The following TOX2 variants were observed in gnomAD, a reference collection of about 807,000 sequenced individuals.
TOX2 encodes the protein TOX high mobility group box family member 2, also known as granulosa cell HMG box 1.
Under a neutral mutation model 47.4 loss-of-function variants are expected in TOX2, and 15 were observed. The ratio of observed to expected loss-of-function variants is 0.32; its 90% CI spans 0.21 to 0.49. The LOEUF is 0.49. Among genes scored for constraint, TOX2 ranks in the 20% least tolerant of loss-of-function variants. TOX2 has a pLI of 0.99. For missense variants in TOX2, 622 were observed against 673.1 expected (o/e 0.92, Z 0.84); for synonymous variants, 290 against 296.6 (o/e 0.98, Z 0.23).
At chr20:44,062,520 C>G (rs1412172458) in intron 5 of TOX2, among the ~76,000 whole-genome samples, 4 of 152,022 alleles carry the variant, frequency 2.6e-5, no homozygotes, top group Non-Finnish European at 5.9e-5. Context: ...GGAAACACAT[C>G]CCATGCTCAT....
chr20:43,924,996 A>AT (rs71337839), intron 1 of TOX2, among the ~76,000 whole-genome samples: 192 of 152,154 alleles, frequency 1.3e-3, no homozygotes, highest in Non-Finnish European at 2.4e-3. Context: ...TTCTGGAATC[A>AT]TTTTTTTATT....
intron 2 of TOX2, among the ~76,000 whole-genome samples, chr20:44,002,974 G>A (rs188182587): frequency 1.3e-5 from 2 of 152,228 alleles, no homozygotes; most frequent in African/African-American, 2.4e-5. Context: ...TATCCAAACT[G>A]TATCAGAGGG....
chr20:44,045,070 G>GTACTACAT (rs1422812801), intron 3 of TOX2, among the ~76,000 whole-genome samples: 14 of 152,210 alleles, frequency 9.2e-5, no homozygotes, highest in African/African-American at 1.2e-4. Context: ...CATAGTTCTA[G>GTACTACAT]AGACAGAAAG....
intron 1 of TOX2, among the ~76,000 whole-genome samples, chr20:43,949,452 T>C (rs1160861742): frequency 6.6e-6 from 1 of 152,190 alleles, no homozygotes; most frequent in Non-Finnish European, 1.5e-5. Flanking sequence ...CTGTGGTTGG[T>C]TGTCTTTTGT....
intron 3 of TOX2, among the ~76,000 whole-genome samples, chr20:44,040,564 T>G (rs1386695496): frequency 6.6e-6 from 1 of 152,188 alleles, no homozygotes; most frequent in Admixed American, 6.5e-5. Context: ...GGCCTGAGAC[T>G]TGGCTTTTTC....
At chr20:43,993,407 G>T (rs1047766435) in intron 2 of TOX2, among the ~76,000 whole-genome samples, 3 of 152,166 alleles carry the variant, frequency 2.0e-5, no homozygotes, top group Admixed American at 6.5e-5. Context: ...GTGGTGGGAA[G>T]ATTTGAGATA....
intron 1 of TOX2, among the ~76,000 whole-genome samples, chr20:43,971,932 A>G (rs534467931): frequency 1.2e-4 from 19 of 152,340 alleles, no homozygotes; most frequent in Non-Finnish European, 2.6e-4. Flanking sequence ...TTGCCTCTGG[A>G]GAGGGGCAGT....
chr20:44,042,959 T>G (rs1396663365), intron 3 of TOX2, among the ~76,000 whole-genome samples: 1 of 152,216 alleles, frequency 6.6e-6, no homozygotes, highest in Admixed American at 6.5e-5. Context: ...GGGTTTCTGT[T>G]CAGGTTTGTG....
At chr20:44,004,076 T>G (rs891378903) in intron 2 of TOX2, among the ~76,000 whole-genome samples, 30 of 152,218 alleles carry the variant, frequency 2.0e-4, no homozygotes, top group African/African-American at 7.0e-4. Flanking sequence ...TAAAGATATT[T>G]TGGAGACATT....
intron 1 of TOX2, among the ~76,000 whole-genome samples, chr20:43,934,312 T>A (rs1231296359): frequency 1.3e-5 from 2 of 152,008 alleles, no homozygotes; most frequent in Non-Finnish European, 2.9e-5. Context: ...CAGAGGCATT[T>A]ATTTAGCATC....
Position 43,916,105 on chromosome 20 carries a change from C to G in TOX2, c.99+1115C>G, listed in dbSNP as rs1162745792. ...AGTCGGTGCGTCGGTCCCGGGCCGG[C>G]TGGAGCCAAGCGCGGGTTTTCGTCA... On this transcript the variant is annotated intron_variant, in intron 1 of 8. Coordinates refer to ENST00000341197, the MANE Select transcript of TOX2 (RefSeq NM_001098797.2). This position sits in a 1 kb window ranked among gnomAD's most constrained non-coding sequence, Gnocchi z 5.0. 2 of 985,090 alleles carry G rather than the reference C, an allele frequency of 2.0e-6. No individual in the cohort carries two copies. The highest frequency in any genetic ancestry group is 2.4e-6 in the Non-Finnish European group (2 of 829,690). 61.0% of individuals were successfully genotyped at this position (985,090 alleles called of 1,614,324 possible). A position where few individuals can be genotyped will look rare whatever the true frequency, so the allele number is the denominator to read the frequency against.
chr20:43,982,890 G>A (rs999846388), intron 2 of TOX2, among the ~76,000 whole-genome samples: 1 of 151,446 alleles, frequency 6.6e-6, no homozygotes, highest in Non-Finnish European at 1.5e-5. Context: ...CAAGCAGAAG[G>A]CGTGTTCTAA....
intron 5 of TOX2, among the ~76,000 whole-genome samples, chr20:44,057,250 CA>C (rs1413699958): frequency 6.6e-6 from 1 of 152,164 alleles, no homozygotes; most frequent in African/African-American, 2.4e-5. Flanking sequence ...CCTCACTTCT[CA>C]GATTTCTAAT....
At chr20:44,003,784 G>T (rs1416046152) in intron 2 of TOX2, among the ~76,000 whole-genome samples, 3 of 152,302 alleles carry the variant, frequency 2.0e-5, no homozygotes. Context: ...GAACTGTGTA[G>T]GGGAGAGCCC....
intron 2 of TOX2, among the ~76,000 whole-genome samples, chr20:43,975,702 G>A (rs2070064590): frequency 6.6e-6 from 1 of 151,942 alleles, no homozygotes; most frequent in African/African-American, 2.4e-5. Flanking sequence ...TTAATTCATA[G>A]TGACAAAAAT....
At chr20:43,961,699 T>C (rs2069759751) in intron 1 of TOX2, among the ~76,000 whole-genome samples, 1 of 152,096 alleles carries the variant, frequency 6.6e-6, no homozygotes, top group Admixed American at 6.5e-5. Context: ...TGAGCCAGAC[T>C]GTGGGTCCCT....
At chr20:44,062,400 A>AAATAAATG in intron 5 of TOX2, among the ~76,000 whole-genome samples, 1 of 136,822 alleles carries the variant, frequency 7.3e-6, no homozygotes, top group East Asian at 1.9e-4. Context: ...ATAAATAAAT[A>AAATAAATG]AATAAATGAA....
At chr20:44,028,757 C>T (rs141998321) in intron 3 of TOX2, among the ~76,000 whole-genome samples, 11 of 152,336 alleles carry the variant, frequency 7.2e-5, no homozygotes, top group African/African-American at 2.6e-4. Flanking sequence ...GCAGGGCTCT[C>T]AGACCCCTTT....
intron 2 of TOX2, among the ~76,000 whole-genome samples, chr20:43,992,009 AG>A (rs1409639596): frequency 6.6e-6 from 1 of 152,170 alleles, no homozygotes; most frequent in Non-Finnish European, 1.5e-5. Flanking sequence ...CTGAGCAGGT[AG>A]GGGAGCTGGG....
Sources: gnomAD v4.1 joint callset for allele counts (sites outside exome capture counted in the v4.1 genomes callset) on GRCh38, gnomAD v4.1.1 for gene constraint, Gnocchi (gnomAD v3.1) non-coding constraint, MANE v1.5 for transcripts, NCBI Gene and HGNC (gene_info 2026-07-23, HGNC 2026-07-21) for gene names.